The following ZNF236 variants were observed in gnomAD, a reference collection of about 807,000 sequenced individuals.
ZNF236 encodes the protein zinc finger protein 236.
ZNF236 carries 50 observed loss-of-function variants against 191.2 expected under a neutral mutation model. The ratio of observed to expected loss-of-function variants is 0.26; its 90% CI spans 0.21 to 0.33. ZNF236 has a LOEUF of 0.33. Ranked by LOEUF, ZNF236 falls within the 10% of genes least tolerant of loss-of-function variation. The pLI, the probability that ZNF236 is intolerant of heterozygous loss-of-function variation, is 1.00. For missense variants in ZNF236, 1,754 were observed against 2,374.5 expected, an observed-to-expected ratio of 0.74 and a Z score of 5.43; for synonymous variants, 907 against 928.8, an observed-to-expected ratio of 0.98 and a Z score of 0.43.
intron 20 of ZNF236, 78 bp downstream of exon 20, chr18:76,920,136 C>T: frequency 6.7e-7 from 1 of 1,491,346 alleles, no homozygotes; most frequent in Admixed American, 2.1e-5. Flanking sequence ...GTGATTTTCA[C>T]TGCAGCAGGG....
intron 3 of ZNF236, 62 bp downstream of exon 3, chr18:76,852,001 G>A (rs965934515): frequency 8.1e-6 from 12 of 1,480,982 alleles, no homozygotes; most frequent in Admixed American, 2.2e-5. Flanking sequence ...CTGATCATGA[G>A]TCAGGAGGAT....
Position 76,971,372 on chromosome 18 carries a change from C to CAGCTT in ZNF236, c.*3034_*3038dup, listed in dbSNP as rs1365475643. On this transcript the variant is annotated 3_prime_UTR_variant, in exon 31 of 31. Transcript: ENST00000320610. ...GGAAATGCTATGACATGGCATCTGA[C>CAGCTT]AGCTTGCAGCCAGGTCAGTGGGAGG... Among the ~76,000 whole-genome samples the CAGCTT allele has an allele frequency of 6.6e-6, 1 of 152,204 alleles. No individual in the cohort carries two copies. The highest frequency in any genetic ancestry group is 2.4e-5 in the African/African-American group (1 of 41,444).
intron 17 of ZNF236, among the ~76,000 whole-genome samples, chr18:76,913,341 A>G (rs1036989368): frequency 6.6e-6 from 1 of 152,222 alleles, no homozygotes; most frequent in African/African-American, 2.4e-5. Flanking sequence ...AAGTGACTAG[A>G]TACAGGAGTG....
chr18:76,850,765 G>C (rs1034716407), intron 2 of ZNF236, among the ~76,000 whole-genome samples: 1 of 151,886 alleles, frequency 6.6e-6, no homozygotes, highest in African/African-American at 2.4e-5. Flanking sequence ...ACCATGCCTG[G>C]CTCATTTTTA....
intron 25 of ZNF236, among the ~76,000 whole-genome samples, chr18:76,932,501 T>C (rs1461410688): frequency 6.6e-6 from 1 of 152,218 alleles, no homozygotes; most frequent in Non-Finnish European, 1.5e-5. Flanking sequence ...GGCTGTGAGT[T>C]CATCATCTTT....
intron 1 of ZNF236, chr18:76,835,014 A>C (rs1242108612): frequency 1.3e-5 from 2 of 159,690 alleles, no homozygotes; most frequent in Non-Finnish European, 2.6e-5. Context: ...TGATATGGAT[A>C]CTGAACTAAT....
At position 76,915,699 on chromosome 18, in the gene ZNF236, C is replaced by G; in HGVS notation, c.3114C>G (p.Gly1038=). The G allele has an allele frequency of 6.2e-7, 1 of 1,614,144 alleles. No individual in the cohort carries two copies. The highest frequency in any genetic ancestry group is 2.2e-5 in the East Asian group (1 of 44,878). The change falls in exon 19 of 31, where the codon GGC becomes GGG. Residue 1038 remains glycine (G), a synonymous_variant. Transcript: ENST00000320610. ...SVCNASFTTN[G]SLTRHMATHM... ...GCAATGCTTCCTTCACCACCAATGG[C>G]AGCCTCACCCGGCACATGGCCACAC...
chr18:76,878,271 A>C (rs1186937598), intron 7 of ZNF236, 119 bp downstream of exon 7: 2 of 903,078 alleles, frequency 2.2e-6, no homozygotes, highest in Non-Finnish European at 3.2e-6. Context: ...TATATGGAGA[A>C]AAGGTGCTAC....
intron 17 of ZNF236, among the ~76,000 whole-genome samples, chr18:76,913,438 TAGAG>T (rs778296486): frequency 5.3e-5 from 8 of 152,346 alleles, no homozygotes; most frequent in Admixed American, 4.6e-4. Context: ...CTATTATGCT[TAGAG>T]AGAGTTTCTA....
At chr18:76,912,113 C>A (rs1967231892) in intron 16 of ZNF236, 131 bp from the exon 17 acceptor site, 2 of 630,230 alleles carry the variant, frequency 3.2e-6, no homozygotes, top group Admixed American at 6.0e-5. Context: ...TTACAGTGAA[C>A]TATTTGGGGT....
intron 30 of ZNF236, among the ~76,000 whole-genome samples, chr18:76,962,059 G>C (rs1257917700): frequency 6.6e-6 from 1 of 152,152 alleles, no homozygotes; most frequent in Non-Finnish European, 1.5e-5. Flanking sequence ...CCATTAAAAA[G>C]CTCTTTAGTG....
intron 25 of ZNF236, among the ~76,000 whole-genome samples, chr18:76,932,715 C>T (rs1291620084): frequency 2.0e-5 from 3 of 152,186 alleles, no homozygotes; most frequent in Non-Finnish European, 1.5e-5. Context: ...CCTTAGTGAG[C>T]CCCTGGCACA....
intron 26 of ZNF236, among the ~76,000 whole-genome samples, chr18:76,938,248 G>C (rs1039525017): frequency 1.2e-4 from 18 of 152,064 alleles, no homozygotes; most frequent in African/African-American, 4.3e-4. Flanking sequence ...AATTTGGCCA[G>C]GCGTGGCAGT....
chr18:76,871,146 G>A lies in ZNF236; in HGVS notation c.543-555G>A, dbSNP rs566520915. 1.6e-4 allele frequency among the ~76,000 whole-genome samples: 25 copies of A among 152,300 alleles called. No homozygotes were observed. The South Asian group carries it at 5.2e-3, about 32-fold the overall frequency. ...AGTGTGACTCCTGAGACTTAAATTT[G>A]TGCAAGAGGGAGCTTTCGTGTCTTG... On this transcript the variant is annotated intron_variant, in intron 4 of 30. Transcript: ENST00000320610.
At chr18:76,863,280 T>C (rs527949620) in intron 3 of ZNF236, among the ~76,000 whole-genome samples, 108 of 152,264 alleles carry the variant, frequency 7.1e-4, no homozygotes, top group Non-Finnish European at 1.2e-3. Flanking sequence ...GGGCTGGAAA[T>C]GTATTTGAAG....
intron 16 of ZNF236, among the ~76,000 whole-genome samples, chr18:76,911,684 A>G (rs745536901): frequency 2.0e-5 from 3 of 151,526 alleles, no homozygotes; most frequent in Non-Finnish European, 1.5e-5. Context: ...AGTGGAGCTT[A>G]TCCTCTACTC....
At chr18:76,918,553 T>C (rs1327254345) in intron 19 of ZNF236, among the ~76,000 whole-genome samples, 1 of 152,118 alleles carries the variant, frequency 6.6e-6, no homozygotes, top group African/African-American at 2.4e-5. Flanking sequence ...GGCTCCTGAG[T>C]AGCAGGGGCT....
Position 76,956,168 on chromosome 18 carries a change from G to T in ZNF236, c.5098G>T (p.Ala1700Ser). Residue 1700 changes from alanine to serine, a missense_variant, in exon 28 of 31, where the codon GCC (alanine) becomes TCC (serine). Ala to Ser is a moderately conservative substitution (Grantham distance 99, BLOSUM62 1). Coordinates refer to ENST00000320610, the MANE Select transcript of ZNF236 (RefSeq NM_001306089.2). ...CPVCRKAFKR[A>S]THLKEHMQTH... ...CGTGTGCAGGAAGGCCTTCAAGCGCGCCACGCACCTCAAGGTAGGCCCACT... is the reference window on the plus strand; with the variant it reads ...CGTGTGCAGGAAGGCCTTCAAGCGCTCCACGCACCTCAAGGTAGGCCCACT... 1.3e-6 allele frequency: 2 copies of T among 1,551,012 alleles called. No homozygotes were observed. Among genetic ancestry groups the T allele is most frequent in the Non-Finnish European group, 8.7e-7 (1 of 1,149,724 alleles).
intron 15 of ZNF236, among the ~76,000 whole-genome samples, chr18:76,910,419 T>C (rs1223792452): frequency 6.6e-6 from 1 of 152,170 alleles, no homozygotes; most frequent in East Asian, 1.9e-4. Flanking sequence ...GGTGGCTGAG[T>C]AGAAATTGGA....
Sources: allele counts gnomAD v4.1 joint callset (sites outside exome capture counted in the v4.1 genomes callset), GRCh38; gene constraint gnomAD v4.1.1; transcripts MANE v1.5; gene names NCBI Gene and HGNC (gene_info 2026-07-23, HGNC 2026-07-21).